SMARCC2: variants seen among roughly 807,000 people sequenced by gnomAD.
The protein encoded by SMARCC2 is SWI/SNF related BAF chromatin remodeling complex subunit C2, also known as SWI/SNF complex subunit SMARCC2.
SMARCC2 carries 15 observed loss-of-function variants against 151.3 expected under a neutral mutation model. The ratio of observed to expected loss-of-function variants is 0.10; its 90% CI spans 0.07 to 0.15. The LOEUF (loss-of-function observed/expected upper bound fraction) is 0.15. Among genes scored for constraint, SMARCC2 ranks in the 10% least tolerant of loss-of-function variants. The pLI, the probability that SMARCC2 is intolerant of heterozygous loss-of-function variation, is 1.00. For missense variants in SMARCC2, 1,031 were observed against 1,599.7 expected, an observed-to-expected ratio of 0.64 and a Z score of 6.06; for synonymous variants, 590 against 609.5, an observed-to-expected ratio of 0.97 and a Z score of 0.47.
chr12:56,188,467 TG>T (rs1282809101), intron 1 of SMARCC2, among the ~76,000 whole-genome samples: 2 of 151,968 alleles, frequency 1.3e-5, no homozygotes, highest in African/African-American at 2.4e-5. Flanking sequence ...CTGAGGGTAG[TG>T]AGAAAAAGAG....
chr12:56,169,984 C>T (rs1873601363), intron 23 of SMARCC2, 73 bp from the exon 24 acceptor site: 31 of 1,491,690 alleles, frequency 2.1e-5, no homozygotes, highest in South Asian at 4.6e-5. Flanking sequence ...AGGGGCCAGA[C>T]GGGGAACTAA....
Position 56,164,537 on chromosome 12 carries a change from C to G in SMARCC2, c.3427G>C (p.Ala1143Pro). 6.2e-7 allele frequency: 1 copy of G among 1,614,066 alleles called. No individual in the cohort carries two copies. Among genetic ancestry groups the G allele is most frequent in the African/African-American group, 1.3e-5 (1 of 75,000 alleles). Residue 1143 changes from alanine (A) to proline (P), a missense_variant, in exon 28 of 29, where the codon GCT becomes CCT. Transcript: ENST00000550164. Reference protein sequence around the residue: ...LADSISINLPAPPNLHGHHHH... With the variant: ...LADSISINLPPPPNLHGHHHH... Reference sequence around the variant, plus strand: ...TGATGCCCATGCAGGTTAGGAGGAGCGGGGAGGTTAATACTGATGGAGTCA... The same window carrying G: ...TGATGCCCATGCAGGTTAGGAGGAGGGGGGAGGTTAATACTGATGGAGTCA...
chr12:56,174,623 C>T (rs368110153), intron 16 of SMARCC2, 28 bp downstream of exon 16: 19 of 1,447,366 alleles, frequency 1.3e-5, no homozygotes, highest in Non-Finnish European at 1.7e-5. Flanking sequence ...TCCTCATGTA[C>T]CCCCTTCCCC....
intron 25 of SMARCC2, among the ~76,000 whole-genome samples, chr12:56,168,851 G>A (rs963648241): frequency 1.3e-5 from 2 of 151,984 alleles, no homozygotes; most frequent in East Asian, 1.9e-4. Context: ...ATGCTGGCAC[G>A]TGCCTGTAAT....
At chr12:56,175,742 A>G (rs1346004020) in intron 15 of SMARCC2, among the ~76,000 whole-genome samples, 2 of 152,196 alleles carry the variant, frequency 1.3e-5, no homozygotes, top group Non-Finnish European at 2.9e-5. Context: ...TCAACTGAAG[A>G]TGATATCTAC....
At chr12:56,185,705 T>A in intron 3 of SMARCC2, 3 of 167,760 alleles carry the variant, frequency 1.8e-5, no homozygotes, top group East Asian at 1.7e-4. Flanking sequence ...CTCAAACTCC[T>A]GACCTCAAAT....
intron 11 of SMARCC2, among the ~76,000 whole-genome samples, chr12:56,179,911 T>C (rs1875803228): frequency 6.6e-6 from 1 of 152,108 alleles, no homozygotes; most frequent in Non-Finnish European, 1.5e-5. Flanking sequence ...GGTCTTGATC[T>C]CTTGACCTCG....
At chr12:56,186,544 T>G (rs1877295982) in intron 2 of SMARCC2, 1 of 330,626 alleles carries the variant, frequency 3.0e-6, no homozygotes, top group East Asian at 8.0e-5. Context: ...GAGACGGGGT[T>G]TCTCCATGTT....
intron 26 of SMARCC2, among the ~76,000 whole-genome samples, chr12:56,166,102 A>C (rs969646324): frequency 2.6e-5 from 4 of 152,202 alleles, no homozygotes; most frequent in African/African-American, 9.6e-5. Context: ...TCTGAGCTTT[A>C]GCTTTATTCT....
In SMARCC2 at chr12:56,163,015, TCA is replaced by T. The variant is rs1872087414; in HGVS notation, c.*672_*673del. On this transcript the variant is annotated 3_prime_UTR_variant, in exon 29 of 29. Transcript: ENST00000550164. ...TGACTTTTAAAAACAAAACTGACATTCAGAGGGAAAGGAATCATTGGCTGAGC... is the reference window on the plus strand; with the variant it reads ...TGACTTTTAAAAACAAAACTGACATTGAGGGAAAGGAATCATTGGCTGAGC... 6.6e-6 allele frequency: 1 copy of T among 152,116 alleles called. No homozygotes were observed. Among genetic ancestry groups the T allele is most frequent in the South Asian group, 2.1e-4 (1 of 4,814 alleles). 9.4% of individuals were successfully genotyped at this position (152,116 alleles called of 1,614,324 possible).
At position 56,181,754 on chromosome 12, in the gene SMARCC2, T is replaced by G. The variant is rs1278132848; in HGVS notation, c.790A>C (p.Asn264His). 1 of 1,614,042 alleles carries G rather than the reference T, an allele frequency of 6.2e-7. No individual in the cohort carries two copies. The highest frequency in any genetic ancestry group is 8.5e-7 in the Non-Finnish European group (1 of 1,180,038). ...ATCTTCTTTCGGCGGGAGACAGGGTTTTTGTCATCATTTACTTCATAGTCT... is the reference window on the plus strand; with the variant it reads ...ATCTTCTTTCGGCGGGAGACAGGGTGTTTGTCATCATTTACTTCATAGTCT... ...EEDYEVNDDK[N>H]PVSRRKKISA... The change falls in exon 9 of 29, where the codon AAC becomes CAC. Residue 264 changes from asparagine (N) to histidine (H), a missense_variant. By Grantham distance (68) the Asn-to-His change is moderately conservative. Coordinates refer to ENST00000550164, the MANE Select transcript of SMARCC2 (RefSeq NM_001330288.2).
intron 25 of SMARCC2, among the ~76,000 whole-genome samples, chr12:56,168,998 T>C (rs1386812897): frequency 6.7e-6 from 1 of 150,328 alleles, no homozygotes; most frequent in East Asian, 2.0e-4. Context: ...CATAAATAAA[T>C]AAACAAGCAT....
chr12:56,185,171 G>C, intron 3 of SMARCC2, 60 bp from the exon 4 acceptor site: 169 of 1,343,848 alleles, frequency 1.3e-4, no homozygotes, highest in Non-Finnish European at 1.7e-4. Context: ...TGAGGTGAGG[G>C]CACGTGACTT....
Position 56,163,522 on chromosome 12 carries a change from T to C in SMARCC2, c.*167A>G, listed in dbSNP as rs1432586904. ...GTCCTTGAATAATCTGATATAAAAATGCATGCCTCTGTTAGGCATGGTGAG... is the reference window on the plus strand; with the variant it reads ...GTCCTTGAATAATCTGATATAAAAACGCATGCCTCTGTTAGGCATGGTGAG... On this transcript the variant is annotated 3_prime_UTR_variant, in exon 29 of 29. Transcript: ENST00000550164. 4 of 432,806 alleles carry C rather than the reference T, an allele frequency of 9.2e-6. No homozygotes were observed. The highest frequency in any genetic ancestry group is 1.2e-5 in the Non-Finnish European group (3 of 244,556). 26.8% of individuals were successfully genotyped at this position (432,806 alleles called of 1,614,324 possible). A position where few individuals can be genotyped will look rare whatever the true frequency, so the allele number is the denominator to read the frequency against.
At chr12:56,181,182 A>G in intron 10 of SMARCC2, 81 bp from the exon 11 acceptor site, 1 of 1,418,654 alleles carries the variant, frequency 7.0e-7, no homozygotes, top group Non-Finnish European at 9.7e-7. Flanking sequence ...AGGGAAGGGA[A>G]GTGACAGAGA....
intron 1 of SMARCC2, among the ~76,000 whole-genome samples, chr12:56,188,542 TAGAAAAGACAGGTA>T (rs973336528): frequency 1.3e-5 from 2 of 152,126 alleles, no homozygotes; most frequent in African/African-American, 4.8e-5. Context: ...AGAGGTTTGG[TAGAAAAGACAGGTA>T]AGGATTCTTG....
At position 56,171,942 on chromosome 12, in the gene SMARCC2, T is replaced by G; in HGVS notation, c.1927-5A>C. On this transcript the variant is annotated splice_region_variant and splice_polypyrimidine_tract_variant and intron_variant, in intron 20 of 28. Transcript: ENST00000550164. The surrounding 1 kb of genome is among the most constrained non-coding windows in gnomAD (Gnocchi z 4.2). ...ATCTTTGTACATTTCCAGTGCCTGGTGGTAGTGGTGGAGACATAACTCCGC... is the reference window on the plus strand; with the variant it reads ...ATCTTTGTACATTTCCAGTGCCTGGGGGTAGTGGTGGAGACATAACTCCGC... 6.3e-7 allele frequency: 1 copy of G among 1,596,318 alleles called. No homozygotes were observed.
Position 56,163,731 on chromosome 12 carries a change from G to A in SMARCC2, c.3696C>T (p.Ala1232=), listed in dbSNP as rs2135623740. The change falls in exon 29 of 29, where the codon GCC becomes GCT. Residue 1232 remains alanine (A), a synonymous_variant. Transcript: ENST00000550164. ...CAGGGGTGACCGTGCCTGGGCTCGG[G>A]GCTGTGGGGTCTGGAGGCAGGGGGG... ...PGTPLPPDPT[A]PSPGTVTPVP... 6.6e-7 allele frequency: 1 copy of A among 1,512,786 alleles called. No homozygotes were observed. The highest frequency in any genetic ancestry group is 1.3e-5 in the South Asian group (1 of 75,906). The allele number at this position is 1,512,786 out of a possible 1,614,324, so 93.7% of individuals were successfully genotyped here. A position where few individuals can be genotyped will look rare whatever the true frequency, so the allele number is the denominator to read the frequency against.
intron 28 of SMARCC2, 39 bp downstream of exon 28, chr12:56,164,264 C>A: frequency 6.3e-7 from 1 of 1,592,812 alleles, no homozygotes; most frequent in South Asian, 1.1e-5. Context: ...CAGGTGGACC[C>A]CTCTCCCTCA....
Sources: allele counts gnomAD v4.1 joint callset (sites outside exome capture counted in the v4.1 genomes callset), GRCh38; gene constraint gnomAD v4.1.1; non-coding constraint Gnocchi (gnomAD v3.1); transcripts MANE v1.5; gene names NCBI Gene and HGNC (gene_info 2026-07-23, HGNC 2026-07-21).